HERC4: variants seen among roughly 807,000 people sequenced by gnomAD.
HERC4 encodes HECT and RLD domain containing E3 ubiquitin protein ligase 4, also known as probable E3 ubiquitin-protein ligase HERC4.
A neutral mutation model predicts 124.3 loss-of-function variants in HERC4; 28 were observed. That is an observed-to-expected ratio of 0.23 (90% CI 0.17 to 0.31). The LOEUF (loss-of-function observed/expected upper bound fraction) is 0.31, where lower values mean the gene tolerates loss of function less well. Ranked by LOEUF, HERC4 falls within the 10% of genes least tolerant of loss-of-function variation. HERC4 has a pLI of 1.00. For synonymous variants in HERC4, 407 were observed against 421.5 expected (o/e 0.97, Z 0.42); for missense variants, 713 against 1,229.3 (o/e 0.58, Z 6.28).
intron 4 of HERC4, chr10:68,038,373 G>A: frequency 2.5e-6 from 1 of 407,506 alleles, no homozygotes; most frequent in Non-Finnish European, 4.3e-6. Context: ...AAATTAAAGG[G>A]GTGAAAAGAA....
intron 17 of HERC4, 80 bp from the exon 18 acceptor site, chr10:67,955,210 T>A: frequency 2.5e-6 from 3 of 1,206,580 alleles, no homozygotes; most frequent in Non-Finnish European, 3.5e-6. Flanking sequence ...CCTCTACCTA[T>A]TAGTTACAGG....
At chr10:67,944,782 G>A (rs111743271) in intron 19 of HERC4, among the ~76,000 whole-genome samples, 2,154 of 152,286 alleles carry the variant, frequency 0.014, 38 homozygotes, top group African/African-American at 0.048. Flanking sequence ...AGAAATTCTA[G>A]AGTTGAAAAA....
At chr10:67,993,618 T>C (rs1035727183) in intron 9 of HERC4, 1 of 152,024 alleles carries the variant, frequency 6.6e-6, no homozygotes, top group Non-Finnish European at 1.5e-5. Flanking sequence ...TTTTTTTCAA[T>C]ATAGGTGTAC....
intron 16 of HERC4, among the ~76,000 whole-genome samples, chr10:67,959,325 A>G (rs1564961158): frequency 6.6e-6 from 1 of 152,162 alleles, no homozygotes; most frequent in Non-Finnish European, 1.5e-5. Context: ...TACTAATGTA[A>G]GATCTTTGTT....
intron 22 of HERC4, among the ~76,000 whole-genome samples, chr10:67,935,214 C>T (rs887450631): frequency 6.6e-6 from 1 of 151,234 alleles, no homozygotes; most frequent in South Asian, 2.1e-4. Flanking sequence ...GGCACAATCT[C>T]GGCTCACTGC....
intron 8 of HERC4, among the ~76,000 whole-genome samples, chr10:68,017,781 G>A (rs920286206): frequency 2.0e-5 from 3 of 152,160 alleles, no homozygotes; most frequent in East Asian, 1.9e-4. Context: ...GAGCCACCAC[G>A]CCCGGCCTAT....
chr10:67,944,987 T>G (rs972196704), intron 19 of HERC4, among the ~76,000 whole-genome samples: 3 of 151,828 alleles, frequency 2.0e-5, no homozygotes, highest in Non-Finnish European at 4.4e-5. Context: ...AATCTAAGAG[T>G]TATTGGCCTT....
chr10:67,977,998 G>A (rs748443424), intron 15 of HERC4, among the ~76,000 whole-genome samples: 10 of 145,172 alleles, frequency 6.9e-5, no homozygotes, highest in Non-Finnish European at 1.2e-4. Context: ...CCCTTGGGCT[G>A]GGCATGGTGG....
At chr10:67,961,624 C>G (rs1325787489) in intron 16 of HERC4, among the ~76,000 whole-genome samples, 1 of 152,128 alleles carries the variant, frequency 6.6e-6, no homozygotes, top group Non-Finnish European at 1.5e-5. Flanking sequence ...TTGGGGGACC[C>G]TCCCCAAACT....
intron 19 of HERC4, among the ~76,000 whole-genome samples, chr10:67,948,660 C>T (rs1305019167): frequency 6.6e-6 from 1 of 152,158 alleles, no homozygotes; most frequent in African/African-American, 2.4e-5. Flanking sequence ...GTGGCTCACA[C>T]CTGTAATCCC....
intron 2 of HERC4, 123 bp from the exon 3 acceptor site, chr10:68,073,309 C>T (rs2041657570): frequency 2.0e-6 from 1 of 493,650 alleles, no homozygotes; most frequent in Non-Finnish European, 3.6e-6. Context: ...TAACATGCTA[C>T]ATAAGTATCA....
At chr10:67,931,511 G>A (rs536490699) in intron 23 of HERC4, among the ~76,000 whole-genome samples, 64 of 152,036 alleles carry the variant, frequency 4.2e-4, no homozygotes, top group Non-Finnish European at 7.9e-4. Flanking sequence ...TGCAACCTCC[G>A]CTTCCCAGGT....
At chr10:68,003,859 C>T (rs545366963) in intron 9 of HERC4, among the ~76,000 whole-genome samples, 1 of 152,264 alleles carries the variant, frequency 6.6e-6, no homozygotes, top group East Asian at 1.9e-4. Flanking sequence ...GATTTCCTTT[C>T]TTTTGGGTGT....
intron 15 of HERC4, among the ~76,000 whole-genome samples, chr10:67,979,573 T>C (rs1450579272): frequency 6.6e-6 from 1 of 151,936 alleles, no homozygotes; most frequent in Non-Finnish European, 1.5e-5. Context: ...TAGAAAAAGA[T>C]ATCAATATCC....
chr10:68,055,068 G>A (rs1240327009), intron 3 of HERC4, among the ~76,000 whole-genome samples: 1 of 152,080 alleles, frequency 6.6e-6, no homozygotes, highest in Non-Finnish European at 1.5e-5. Flanking sequence ...GATTACACAA[G>A]TGTGCCGCCA....
rs572512708 is a variant in HERC4 at position 68,010,741 on chromosome 10, G to A, written c.1069+3285C>T. 12 of 1,490,142 alleles carry A rather than the reference G, an allele frequency of 8.1e-6. No homozygotes were observed. In the African/African-American group the frequency reaches 1.5e-4, roughly 19 times the overall value. 92.3% of individuals were successfully genotyped at this position (1,490,142 alleles called of 1,614,324 possible). Reference sequence around the variant, plus strand: ...CCTCAAAGAGGCAGATGGTCGTTTGGCTGAACATATTCCCAAATAGAACCC... The same window carrying A: ...CCTCAAAGAGGCAGATGGTCGTTTGACTGAACATATTCCCAAATAGAACCC... On this transcript the variant is annotated intron_variant, in intron 9 of 24. Transcript: ENST00000373700.
At chr10:68,044,379 A>G (rs1331155558) in intron 4 of HERC4, 25 bp downstream of exon 4, 1 of 1,591,212 alleles carries the variant, frequency 6.3e-7, no homozygotes, top group East Asian at 2.2e-5. Context: ...ATTGTTAAGG[A>G]CCTCTTTCTG....
At chr10:68,012,010 T>G (rs999684715) in intron 9 of HERC4, among the ~76,000 whole-genome samples, 1 of 152,208 alleles carries the variant, frequency 6.6e-6, no homozygotes, top group South Asian at 2.1e-4. Flanking sequence ...TTTTACATTA[T>G]GGAGATGGCT....
At chr10:67,965,911 T>G (rs1046213127) in intron 16 of HERC4, 2 of 152,238 alleles carry the variant, frequency 1.3e-5, no homozygotes, top group South Asian at 4.1e-4. Flanking sequence ...AAATTTTATG[T>G]GCCTAATTCA....
Sources: gnomAD v4.1 joint callset for allele counts (sites outside exome capture counted in the v4.1 genomes callset) on GRCh38, gnomAD v4.1.1 for gene constraint, MANE v1.5 for transcripts, NCBI Gene and HGNC (gene_info 2026-07-23, HGNC 2026-07-21) for gene names.